The following SLC39A8 variants were observed in gnomAD, a reference collection of about 807,000 sequenced individuals.
SLC39A8 encodes metal cation symporter ZIP8.
Under a neutral mutation model 40.4 loss-of-function variants are expected in SLC39A8, and 15 were observed. That is an observed-to-expected ratio of 0.37 (90% confidence interval 0.25 to 0.57). SLC39A8 has a LOEUF of 0.57. Ranked by LOEUF, SLC39A8 falls within the 20% of genes least tolerant of loss-of-function variation. The pLI is 0.75. For synonymous variants in SLC39A8, 223 were observed against 221.6 expected (o/e 1.01, Z -0.06); for missense variants, 472 against 558.8 (o/e 0.84, Z 1.57).
chr4:102,292,322 ATTAT>A (rs1434822627), intron 6 of SLC39A8, among the ~76,000 whole-genome samples: 3 of 152,110 alleles, frequency 2.0e-5, no homozygotes, highest in African/African-American at 4.8e-5. Context: ...ATATGCAATT[ATTAT>A]TTGTCAATTT....
chr4:102,326,038 C>A (rs927239770), intron 2 of SLC39A8, among the ~76,000 whole-genome samples: 10 of 152,146 alleles, frequency 6.6e-5, no homozygotes, highest in African/African-American at 2.4e-4. Flanking sequence ...AGCACAGACA[C>A]CCAATCTAGA....
Position 102,344,765 on chromosome 4 carries a change from C to G in SLC39A8, c.-103G>C. On this transcript the variant is annotated 5_prime_UTR_variant, in exon 2 of 9. Coordinates refer to ENST00000356736, the MANE Select transcript of SLC39A8 (RefSeq NM_001135146.2). ...GCCCAAGGGCGGGAGCGTCAGTGCT[C>G]GGCGCTGCTCCGAGTCAGAGGTGGC... 7.5e-7 allele frequency: 1 copy of G among 1,329,124 alleles called. No homozygotes were observed. Among genetic ancestry groups the G allele is most frequent in the Non-Finnish European group, 9.6e-7 (1 of 1,044,504 alleles). 82.3% of individuals were successfully genotyped at this position (1,329,124 alleles called of 1,614,324 possible).
intron 8 of SLC39A8, 89 bp from the exon 9 acceptor site, chr4:102,263,282 T>C: frequency 8.6e-7 from 1 of 1,168,442 alleles, no homozygotes; most frequent in Non-Finnish European, 1.2e-6. Context: ...GGAGACAGTG[T>C]GGGTTTGGTT....
At chr4:102,302,573 T>C (rs1192001451) in intron 6 of SLC39A8, among the ~76,000 whole-genome samples, 3 of 152,040 alleles carry the variant, frequency 2.0e-5, no homozygotes, top group African/African-American at 7.2e-5. Context: ...GATGTTGTCA[T>C]CTTGCTTACA....
chr4:102,306,395 C>G (rs903533815), intron 4 of SLC39A8, among the ~76,000 whole-genome samples: 1 of 151,804 alleles, frequency 6.6e-6, no homozygotes, highest in African/African-American at 2.4e-5. Flanking sequence ...AATTATTTAA[C>G]CACCCTAAAT....
At position 102,253,177 on chromosome 4, in the gene SLC39A8, C is replaced by T. The variant is rs554644233; in HGVS notation, c.*552G>A. 1.0e-4 allele frequency: 39 copies of T among 371,986 alleles called. 1 individual carries two copies. The highest frequency in any genetic ancestry group is 5.7e-4 in the African/African-American group (27 of 47,500). 23.0% of individuals were successfully genotyped at this position (371,986 alleles called of 1,614,324 possible). ...CGTTTTTCGGGGCGAGCGGGGAGGG[C>T]GGCGGGGAACACAATTAGAAACAAA... On this transcript the variant is annotated 3_prime_UTR_variant and NMD_transcript_variant, in exon 12 of 12. Coordinates refer to the SLC39A8 transcript ENST00000424970.
intron 6 of SLC39A8, among the ~76,000 whole-genome samples, chr4:102,274,918 CA>C (rs1160772371): frequency 1.3e-5 from 2 of 152,096 alleles, no homozygotes; most frequent in African/African-American, 4.8e-5. Context: ...ATTTTGTCAC[CA>C]CCAGGCCTGC....
At chr4:102,307,358 G>T in intron 4 of SLC39A8, 78 bp downstream of exon 4, 2 of 1,502,642 alleles carry the variant, frequency 1.3e-6, no homozygotes, top group Non-Finnish European at 9.1e-7. Flanking sequence ...TAAGAATTAT[G>T]GAGGCTAAAA....
intron 6 of SLC39A8, among the ~76,000 whole-genome samples, chr4:102,279,633 G>A (rs76588481): frequency 6.6e-6 from 1 of 152,110 alleles, no homozygotes. Flanking sequence ...GTCGATGGGG[G>A]GGCCCTATAA....
intron 6 of SLC39A8, among the ~76,000 whole-genome samples, chr4:102,303,326 C>T (rs762191579): frequency 5.9e-5 from 9 of 151,954 alleles, no homozygotes; most frequent in Non-Finnish European, 1.2e-4. Context: ...ACTCCATCCA[C>T]ATTCCCTTGA....
rs1278521311 is a variant in SLC39A8 at position 102,263,067 on chromosome 4, C to T, written c.1360G>A (p.Ala454Thr). 1.2e-6 allele frequency: 2 copies of T among 1,611,944 alleles called. No individual in the cohort carries two copies. Among genetic ancestry groups the T allele is most frequent in the African/African-American group, 2.7e-5 (2 of 74,874 alleles). Residue 454 changes from alanine (A) to threonine (T), a missense_variant, in exon 9 of 9, where the codon GCA (alanine) becomes ACA (threonine). Around this residue, in one of 4 missense-constraint regions of SLC39A8, gnomAD observed 50 missense variants for 50.5 expected, o/e 0.99. Transcript: ENST00000356736. The part of the protein sequence containing the change: ...FTAILLITLY[A>T]GEIELE ...TATTACTCCAATTCGATTTCTCCTG[C>T]ATACAAGGTAATGAGTAGAATGGCT...
intron 2 of SLC39A8, among the ~76,000 whole-genome samples, chr4:102,329,104 A>G (rs1735340299): frequency 6.6e-6 from 1 of 152,120 alleles, no homozygotes; most frequent in Admixed American, 6.5e-5. Flanking sequence ...AATTTGGAGA[A>G]GACAGAGGTA....
intron 6 of SLC39A8, among the ~76,000 whole-genome samples, chr4:102,303,445 GAA>G (rs1262334013): frequency 1.3e-5 from 2 of 151,912 alleles, no homozygotes; most frequent in Middle Eastern, 3.2e-3. Context: ...ATTTAGGACT[GAA>G]AGAGTCAGGT....
At chr4:102,332,673 C>A (rs975931848) in intron 2 of SLC39A8, among the ~76,000 whole-genome samples, 17 of 152,188 alleles carry the variant, frequency 1.1e-4, no homozygotes, top group Non-Finnish European at 2.9e-5. Context: ...TGGGTATATA[C>A]CCAAAGGATT....
chr4:102,279,944 G>T (rs116827277), intron 6 of SLC39A8, among the ~76,000 whole-genome samples: 1 of 152,098 alleles, frequency 6.6e-6, no homozygotes, highest in Admixed American at 6.5e-5. Context: ...CTCCAGATCC[G>T]CTTTCCGCTC....
In SLC39A8 at chr4:102,315,780, G is replaced by T. The variant is rs769226432; in HGVS notation, c.270C>A (p.Thr90=). The change falls in exon 3 of 9, where the codon ACC becomes ACA. Residue 90 remains threonine (T), a synonymous_variant. Coordinates refer to ENST00000356736, the MANE Select transcript of SLC39A8 (RefSeq NM_001135146.2). The part of the protein sequence containing the change: ...IFSLHGFSNA[T]QITSSKFSVI... ...CAGAGAATTTGGAGCTGGTTATTTG[G>T]GTAGCATTTGAAAAGCCATGAAGGG... 1.2e-6 allele frequency: 2 copies of T among 1,612,920 alleles called. No individual in the cohort carries two copies. The highest frequency in any genetic ancestry group is 1.3e-5 in the African/African-American group (1 of 74,898).
intron 6 of SLC39A8, among the ~76,000 whole-genome samples, chr4:102,275,743 C>T (rs981933916): frequency 2.0e-5 from 3 of 152,172 alleles, no homozygotes; most frequent in African/African-American, 7.2e-5. Context: ...AAGTAAAACA[C>T]TCCTCAGCAA....
chr4:102,318,106 A>G (rs1734743080), intron 2 of SLC39A8, among the ~76,000 whole-genome samples: 1 of 152,126 alleles, frequency 6.6e-6, no homozygotes. Context: ...GAATGCCACC[A>G]CCCTTAAGGA....
intron 6 of SLC39A8, among the ~76,000 whole-genome samples, chr4:102,273,590 G>C (rs1732470719): frequency 6.6e-6 from 1 of 152,212 alleles, no homozygotes. Context: ...TAGTGCTCGA[G>C]CTCTGCTAAG....
Sources: allele counts gnomAD v4.1 joint callset (sites outside exome capture counted in the v4.1 genomes callset), GRCh38; gene constraint gnomAD v4.1.1; regional missense constraint gnomAD v4.1.1; transcripts MANE v1.5; gene names NCBI Gene and HGNC (gene_info 2026-07-23, HGNC 2026-07-21).